Variants in KIN observed in about 807,000 individuals in gnomAD.
The protein encoded by KIN is DNA/RNA-binding protein KIN17.
A neutral mutation model predicts 63.0 loss-of-function variants in KIN; 47 were observed. That is an observed-to-expected ratio of 0.75 (90% CI 0.59 to 0.95). KIN has a LOEUF of 0.95. Among genes scored for constraint, KIN ranks in the 40% least tolerant of loss-of-function variants. The probability of loss-of-function intolerance (pLI) is 0.00; values close to 1 mark genes in which losing one functional copy is unlikely to be tolerated. For synonymous variants in KIN, 160 were observed against 157.7 expected (o/e 1.01, Z -0.11); for missense variants, 408 against 460.9 (o/e 0.89, Z 1.05).
At position 7,780,276 on chromosome 10, in the gene KIN, T is replaced by G; in HGVS notation, c.241A>C (p.Arg81=). 6.2e-7 allele frequency: 1 copy of G among 1,609,046 alleles called. No homozygotes were observed. The highest frequency in any genetic ancestry group is 1.3e-5 in the African/African-American group (1 of 74,430). ...TTAAAATGTTTACCAAAGCGTCTCC[T>G]GAGAAGTTCTAGAAAGTCATTTCGG... ...EFRNDFLELL[R]RRFGTKRVHN... Residue 81 remains arginine, a synonymous_variant, in exon 3 of 13, where the codon AGG becomes CGG. Transcript: ENST00000379562.
chr10:7,763,882 CA>C, intron 9 of KIN, 91 bp from the exon 10 acceptor site: 1 of 639,314 alleles, frequency 1.6e-6, no homozygotes, highest in Non-Finnish European at 2.7e-6. Flanking sequence ...CACCCAAAAC[CA>C]CAGGAAAATG....
chr10:7,769,252 C>A lies in KIN; in HGVS notation c.762G>T (p.Lys254Asn), dbSNP rs764214720. The A allele has an allele frequency of 2.0e-5, 32 of 1,612,904 alleles. 1 individual carries two copies. The highest frequency in any genetic ancestry group is 2.6e-5 in the Non-Finnish European group (31 of 1,179,764). The change falls in exon 8 of 13, where the codon AAG becomes AAT. Residue 254 changes from lysine to asparagine, a missense_variant. Lys to Asn is a moderately conservative substitution (Grantham distance 94). Coordinates refer to ENST00000379562, the MANE Select transcript of KIN (RefSeq NM_012311.4). Reference sequence around the variant, plus strand: ...CATCCAGTGCAGATTTCTTTTTCTTCTTTTCTTTAGACTGAGTTGAGCTCT... The same window carrying A: ...CATCCAGTGCAGATTTCTTTTTCTTATTTTCTTTAGACTGAGTTGAGCTCT... ...SSQSSTQSKEKKKKKSALDEI... is the reference protein window; with the variant it reads ...SSQSSTQSKENKKKKSALDEI...
At chr10:7,770,742 A>C (rs917700139) in intron 7 of KIN, among the ~76,000 whole-genome samples, 3 of 152,248 alleles carry the variant, frequency 2.0e-5, no homozygotes, top group African/African-American at 7.2e-5. Context: ...TATTTACACA[A>C]AGCTATCATG....
intron 2 of KIN, among the ~76,000 whole-genome samples, chr10:7,782,545 C>T (rs1835919153): frequency 6.6e-6 from 1 of 151,926 alleles, no homozygotes; most frequent in African/African-American, 2.4e-5. Context: ...ATTACAGGTG[C>T]CCACCACCAT....
intron 5 of KIN, among the ~76,000 whole-genome samples, chr10:7,777,215 A>G (rs1835796930): frequency 1.3e-5 from 2 of 151,388 alleles, no homozygotes; most frequent in South Asian, 4.2e-4. Context: ...TAACAAAAAT[A>G]TAAGGCAATA....
At chr10:7,762,636 A>C in intron 10 of KIN, 80 bp from the exon 11 acceptor site, 1 of 686,126 alleles carries the variant, frequency 1.5e-6, no homozygotes, top group South Asian at 2.1e-5. Context: ...AATGAAATGA[A>C]GACAAATAAA....
rs917099933 is a variant in KIN, at chr10:7,753,771, A to C, written c.*2309T>G. 3.6e-5 allele frequency: 7 copies of C among 192,478 alleles called. No individual in the cohort carries two copies. Among genetic ancestry groups the C allele is most frequent in the Non-Finnish European group, 6.6e-5 (6 of 91,434 alleles). The allele number at this position is 192,478 out of a possible 1,614,324, so 11.9% of individuals were successfully genotyped here. A position where few individuals can be genotyped will look rare whatever the true frequency, so the allele number is the denominator to read the frequency against. ...TGTGCTGTCAGGTTACTTTGGAAAA[A>C]CCTTAATTCATCCCTGAGGAACATT... On this transcript the variant is annotated 3_prime_UTR_variant, in exon 13 of 13. Coordinates refer to ENST00000379562, the MANE Select transcript of KIN (RefSeq NM_012311.4).
rs1346594468 is a variant in KIN, at chr10:7,756,002, A to G, written c.*78T>C. The G allele has an allele frequency of 1.6e-5, 13 of 797,474 alleles. No homozygotes were observed. The Admixed American group carries it at 2.9e-4, about 18-fold the overall frequency. The allele number at this position is 797,474 out of a possible 1,614,324, so 49.4% of individuals were successfully genotyped here. A position where few individuals can be genotyped will look rare whatever the true frequency, so the allele number is the denominator to read the frequency against. On this transcript the variant is annotated 3_prime_UTR_variant, in exon 13 of 13. Transcript: ENST00000379562. ...TATACAAAAGAATATACCCTAACAC[A>G]GTAGAGTCTCATAATGCCTTGGCGA...
At position 7,778,879 on chromosome 10, in the gene KIN, T is replaced by C. The variant is rs1337529126; in HGVS notation, c.517A>G (p.Ile173Val). The C allele has an allele frequency of 6.2e-7, 1 of 1,614,156 alleles. No homozygotes were observed. Among genetic ancestry groups the C allele is most frequent in the East Asian group, 2.2e-5 (1 of 44,880 alleles). ...AGGCCTCTTCTCACTTGCTCTTCAA[T>C]AAATTTGGCAGTTTTTTCTTCATCA... ...LDDEEKTAKF[I>V]EEQVRRGLEG... Residue 173 changes from isoleucine (I) to valine (V), a missense_variant, in exon 5 of 13, where the codon ATT becomes GTT. By Grantham distance (29) the Ile-to-Val change is conservative. Around this residue, in one of 2 missense-constraint regions of KIN, gnomAD observed 298 missense variants for 296.0 expected, o/e 1.01. Coordinates refer to ENST00000379562, the MANE Select transcript of KIN (RefSeq NM_012311.4).
intron 7 of KIN, among the ~76,000 whole-genome samples, chr10:7,774,477 T>C (rs1408641951): frequency 6.6e-6 from 1 of 152,096 alleles, no homozygotes; most frequent in Admixed American, 6.6e-5. Context: ...ATAATCAAAA[T>C]GAGGCTTTCC....
intron 8 of KIN, among the ~76,000 whole-genome samples, chr10:7,766,791 A>T (rs893842996): frequency 1.1e-4 from 16 of 152,108 alleles, no homozygotes; most frequent in African/African-American, 3.9e-4. Flanking sequence ...TGGGAGGCTG[A>T]GGTGGGCGGA....
chr10:7,786,863 A>C (rs536363026), intron 1 of KIN, among the ~76,000 whole-genome samples: 1 of 152,356 alleles, frequency 6.6e-6, no homozygotes, highest in African/African-American at 2.4e-5. Flanking sequence ...ATAGAACTAA[A>C]GAGAGTAACT....
chr10:7,767,217 C>T (rs551510229), intron 8 of KIN, among the ~76,000 whole-genome samples: 24 of 152,146 alleles, frequency 1.6e-4, no homozygotes, highest in South Asian at 2.1e-4. Context: ...TGACCTCATA[C>T]GCCACCAGGT....
intron 7 of KIN, among the ~76,000 whole-genome samples, chr10:7,771,872 G>A (rs1403428130): frequency 1.5e-4 from 22 of 147,164 alleles, no homozygotes; most frequent in Admixed American, 6.9e-4. Context: ...TCCAGCCTGG[G>A]CAACAAGAGC....
chr10:7,773,941 A>C (rs1835715542), intron 7 of KIN, among the ~76,000 whole-genome samples: 1 of 152,258 alleles, frequency 6.6e-6, no homozygotes, highest in South Asian at 2.1e-4. Flanking sequence ...ATAATGTAGA[A>C]AGTAGGTAGA....
intron 12 of KIN, among the ~76,000 whole-genome samples, chr10:7,759,420 T>A (rs1285792903): frequency 6.6e-6 from 1 of 152,118 alleles, no homozygotes; most frequent in East Asian, 1.9e-4. Context: ...GGAGACATTT[T>A]AAAAAGTGGT....
intron 12 of KIN, among the ~76,000 whole-genome samples, chr10:7,758,652 G>A (rs1835378671): frequency 6.8e-6 from 1 of 147,006 alleles, no homozygotes; most frequent in African/African-American, 2.5e-5. Flanking sequence ...AATTAATAAG[G>A]TAAGTTTCAT....
At chr10:7,760,095 A>C (rs925859488) in intron 11 of KIN, 105 bp from the exon 12 acceptor site, 2 of 555,746 alleles carry the variant, frequency 3.6e-6, no homozygotes, top group Non-Finnish European at 6.2e-6. Flanking sequence ...AATAAAAAAC[A>C]AAACCCTTTT....
chr10:7,772,687 C>G (rs1328477975), intron 7 of KIN, among the ~76,000 whole-genome samples: 3 of 152,166 alleles, frequency 2.0e-5, no homozygotes, highest in Non-Finnish European at 4.4e-5. Flanking sequence ...ACCCATGACA[C>G]TACATTCTTA....
Sources: gnomAD v4.1 joint callset for allele counts (sites outside exome capture counted in the v4.1 genomes callset) on GRCh38, gnomAD v4.1.1 for gene constraint, gnomAD v4.1.1 regional missense constraint, MANE v1.5 for transcripts, NCBI Gene and HGNC (gene_info 2026-07-23, HGNC 2026-07-21) for gene names.